Variants in ANKFN1 observed in about 807,000 individuals in gnomAD.
ANKFN1 encodes the protein ankyrin repeat and fibronectin type III domain containing 1.
A neutral mutation model predicts 108.7 loss-of-function variants in ANKFN1; 74 were observed. That is an observed-to-expected ratio of 0.68 (90% CI 0.56 to 0.83). ANKFN1 has a LOEUF of 0.83. Among genes scored for constraint, ANKFN1 ranks in the 40% least tolerant of loss-of-function variants. The pLI, the probability that ANKFN1 is intolerant of heterozygous loss-of-function variation, is 0.00. For synonymous variants in ANKFN1, 547 were observed against 516.2 expected (o/e 1.06, Z -0.81); for missense variants, 1,505 against 1,382.3 (o/e 1.09, Z -1.41).
At chr17:56,108,432 C>T (rs943643696) in intron 4 of ANKFN1, among the ~76,000 whole-genome samples, 1 of 152,208 alleles carries the variant, frequency 6.6e-6, no homozygotes, top group Admixed American at 6.5e-5. Context: ...TGCATTCCTT[C>T]ACCAGAAACT....
chr17:56,436,421 T>C (rs1292882328), intron 8 of ANKFN1, among the ~76,000 whole-genome samples: 1 of 152,214 alleles, frequency 6.6e-6, no homozygotes, highest in African/African-American at 2.4e-5. Context: ...AAGTTTTGTA[T>C]AGTTTTAGAA....
chr17:56,413,453 T>C (rs2048154093), intron 8 of ANKFN1, among the ~76,000 whole-genome samples: 1 of 152,140 alleles, frequency 6.6e-6, no homozygotes, highest in Non-Finnish European at 1.5e-5. Context: ...AGGATTTCCA[T>C]TACTATGTTG....
intron 3 of ANKFN1, among the ~76,000 whole-genome samples, chr17:56,301,025 G>T (rs1278897531): frequency 6.6e-6 from 1 of 152,170 alleles, no homozygotes; most frequent in African/African-American, 2.4e-5. Context: ...AGAAAACACA[G>T]AATTTGGCAT....
At chr17:56,476,909 C>T (rs1484181080) in intron 15 of ANKFN1, among the ~76,000 whole-genome samples, 7 of 152,090 alleles carry the variant, frequency 4.6e-5, no homozygotes, top group African/African-American at 7.2e-5. Flanking sequence ...AGAATTAGTG[C>T]GTAATTATAG....
intron 2 of ANKFN1, among the ~76,000 whole-genome samples, chr17:56,213,488 C>T (rs1915189733): frequency 6.6e-6 from 1 of 152,178 alleles, no homozygotes; most frequent in Non-Finnish European, 1.5e-5. Flanking sequence ...TCACATCCCT[C>T]ATTCATATGT....
At chr17:56,274,141 A>G (rs2043857636) in intron 3 of ANKFN1, among the ~76,000 whole-genome samples, 1 of 152,206 alleles carries the variant, frequency 6.6e-6, no homozygotes, top group Non-Finnish European at 1.5e-5. Flanking sequence ...TGGGGTAGAG[A>G]GCAGAACCCT....
chr17:56,261,456 G>A (rs530170038), intron 3 of ANKFN1, among the ~76,000 whole-genome samples: 6 of 152,268 alleles, frequency 3.9e-5, no homozygotes, highest in South Asian at 4.2e-4. Flanking sequence ...ATATGAAAGG[G>A]AGTTTATTAA....
chr17:56,089,269 C>T (rs868314723), intron 4 of ANKFN1, among the ~76,000 whole-genome samples: 9 of 151,176 alleles, frequency 6.0e-5, no homozygotes, highest in African/African-American at 1.9e-4. Context: ...CATAATACTC[C>T]ATCATACTAC....
At chr17:56,503,197 AG>A (rs2051432565) in intron 20 of ANKFN1, among the ~76,000 whole-genome samples, 2 of 151,414 alleles carry the variant, frequency 1.3e-5, no homozygotes, top group South Asian at 2.1e-4. Flanking sequence ...AATAGAGGGG[AG>A]GGGGGTGTTG....
At chr17:56,154,042 G>A (rs185123294) in intron 1 of ANKFN1, among the ~76,000 whole-genome samples, 1 of 147,366 alleles carries the variant, frequency 6.8e-6, no homozygotes, top group Admixed American at 6.9e-5. Flanking sequence ...TTTTTTTTTT[G>A]TAAGAGGTCA....
intron 3 of ANKFN1, among the ~76,000 whole-genome samples, chr17:56,281,560 T>C (rs758882538): frequency 6.6e-6 from 1 of 152,148 alleles, no homozygotes; most frequent in Non-Finnish European, 1.5e-5. Flanking sequence ...TTTAAAAATA[T>C]GTGAATAAGC....
At chr17:56,340,060 G>C (rs1367622073) in intron 4 of ANKFN1, among the ~76,000 whole-genome samples, 1 of 152,110 alleles carries the variant, frequency 6.6e-6, no homozygotes, top group East Asian at 1.9e-4. Flanking sequence ...GATTAGTAAT[G>C]ATGAGCTTTT....
At chr17:56,260,334 G>T (rs1307952545) in intron 3 of ANKFN1, among the ~76,000 whole-genome samples, 2 of 152,170 alleles carry the variant, frequency 1.3e-5, no homozygotes, top group African/African-American at 4.8e-5. Flanking sequence ...ATGAGGGAGA[G>T]TGGAATAAAG....
chr17:56,449,016 A>G, intron 10 of ANKFN1, 63 bp from the exon 11 acceptor site: 1 of 1,429,524 alleles, frequency 7.0e-7, no homozygotes, highest in Non-Finnish European at 9.8e-7. Flanking sequence ...CTCCTGACGC[A>G]GGGCAAGGAA....
At chr17:56,135,771 G>A (rs1907566835) in intron 4 of ANKFN1, among the ~76,000 whole-genome samples, 1 of 152,036 alleles carries the variant, frequency 6.6e-6, no homozygotes, top group African/African-American at 2.4e-5. Flanking sequence ...AAGCTTCAGT[G>A]GCCTTTAAAA....
chr17:56,374,008 T>G (rs2046880680), intron 7 of ANKFN1, among the ~76,000 whole-genome samples: 1 of 152,182 alleles, frequency 6.6e-6, no homozygotes, highest in African/African-American at 2.4e-5. Context: ...AAAATACTGC[T>G]CATTTGTAAT....
intron 6 of ANKFN1, among the ~76,000 whole-genome samples, chr17:56,365,551 G>A (rs183526493): frequency 2.6e-5 from 4 of 152,268 alleles, no homozygotes; most frequent in Admixed American, 6.5e-5. Flanking sequence ...CCATATGTAA[G>A]GGCAGCGCTT....
intron 8 of ANKFN1, among the ~76,000 whole-genome samples, chr17:56,388,794 C>G (rs1436365872): frequency 3.3e-5 from 5 of 152,108 alleles, no homozygotes; most frequent in African/African-American, 9.7e-5. Flanking sequence ...TACTCCTGTT[C>G]CACTACATAG....
At chr17:56,107,523 G>A (rs1905773762) in intron 4 of ANKFN1, among the ~76,000 whole-genome samples, 1 of 152,040 alleles carries the variant, frequency 6.6e-6, no homozygotes, top group East Asian at 1.9e-4. Context: ...TATTTTTAAG[G>A]GGCTGTGTTT....
Sources: allele counts gnomAD v4.1 joint callset (sites outside exome capture counted in the v4.1 genomes callset), GRCh38; gene constraint gnomAD v4.1.1; transcripts MANE v1.5; gene names NCBI Gene and HGNC (gene_info 2026-07-23, HGNC 2026-07-21).